Variants in CFAP54 observed in about 807,000 individuals in gnomAD.
CFAP54 encodes the protein cilia and flagella associated protein 54.
In CFAP54, 290 loss-of-function variants were observed where a neutral mutation model predicts 370.4. That is an observed-to-expected ratio of 0.78 (90% CI 0.71 to 0.86). The LOEUF (loss-of-function observed/expected upper bound fraction) is 0.86, where lower values mean the gene tolerates loss of function less well. Among genes scored for constraint, CFAP54 ranks in the 40% least tolerant of loss-of-function variants. The pLI is 0.00. For missense variants in CFAP54, 3,399 were observed against 3,528.7 expected (o/e 0.96, Z 0.93); for synonymous variants, 1,206 against 1,236.5 (o/e 0.98, Z 0.52).
intron 26 of CFAP54, among the ~76,000 whole-genome samples, chr12:96,611,012 C>T (rs1956352439): frequency 6.6e-6 from 1 of 151,732 alleles, no homozygotes; most frequent in South Asian, 2.1e-4. Context: ...ACTTAAATTT[C>T]CCTGTCTGAC....
chr12:96,712,310 C>T (rs1013952958), intron 48 of CFAP54, among the ~76,000 whole-genome samples: 11 of 151,982 alleles, frequency 7.2e-5, no homozygotes, highest in East Asian at 3.9e-4. Flanking sequence ...AAAAATCTAT[C>T]ATTTCCTCAC....
At chr12:96,549,220 C>T (rs1175559035) in intron 15 of CFAP54, among the ~76,000 whole-genome samples, 1 of 152,046 alleles carries the variant, frequency 6.6e-6, no homozygotes, top group Non-Finnish European at 1.5e-5. Flanking sequence ...CACTTATTCT[C>T]TGAGGCAGAG....
intron 19 of CFAP54, among the ~76,000 whole-genome samples, chr12:96,574,836 G>T (rs999053512): frequency 2.0e-5 from 3 of 151,994 alleles, no homozygotes; most frequent in Non-Finnish European, 2.9e-5. Context: ...GTGTTTTTAT[G>T]TGTAGTTGTT....
chr12:96,827,016 GCAATT>G (rs1959123884), intron 65 of CFAP54, among the ~76,000 whole-genome samples: 1 of 132,312 alleles, frequency 7.6e-6, no homozygotes, highest in African/African-American at 2.9e-5. Context: ...ATTATAATAT[GCAATT>G]ATATGTGATT....
Position 96,596,792 on chromosome 12 carries a change from A to T in CFAP54, c.3517-1853A>T, listed in dbSNP as rs183778629. 1.4e-4 allele frequency among the ~76,000 whole-genome samples: 21 copies of T among 152,266 alleles called. 1 individual carries two copies. The highest frequency in any genetic ancestry group is 9.8e-4 in the Admixed American group (15 of 15,276). ...ATATCTCCAAATGCGACAGAGGGCA[A>T]GTATATATACATGTATAACAAAAAG... On this transcript the variant is annotated intron_variant, in intron 25 of 67. Transcript: ENST00000524981.
At chr12:96,578,708 C>T (rs1268414894) in intron 20 of CFAP54, among the ~76,000 whole-genome samples, 1 of 152,256 alleles carries the variant, frequency 6.6e-6, no homozygotes, top group East Asian at 1.9e-4. Context: ...CATCTGTTAC[C>T]TTCTCATCAG....
At chr12:96,774,015 T>C (rs1213160640) in intron 60 of CFAP54, among the ~76,000 whole-genome samples, 1 of 152,152 alleles carries the variant, frequency 6.6e-6, no homozygotes, top group African/African-American at 2.4e-5. Context: ...CTGACAAAGG[T>C]ACATTATAAA....
intron 66 of CFAP54, among the ~76,000 whole-genome samples, chr12:96,830,983 A>G (rs941586945): frequency 3.9e-5 from 6 of 152,126 alleles, no homozygotes; most frequent in Admixed American, 2.0e-4. Context: ...GCCCATCTAC[A>G]CTAGTTTTCC....
chr12:96,527,539 C>A, intron 9 of CFAP54, 95 bp downstream of exon 9: 2 of 664,252 alleles, frequency 3.0e-6, no homozygotes, highest in Non-Finnish European at 4.4e-6. Flanking sequence ...AAACTGATAA[C>A]ATTTATATTG....
intron 16 of CFAP54, 56 bp downstream of exon 16, chr12:96,554,366 C>T: frequency 6.2e-6 from 9 of 1,447,942 alleles, no homozygotes; most frequent in Non-Finnish European, 8.1e-6. Flanking sequence ...GGGAAGAAAA[C>T]TGGCCTTGAA....
At chr12:96,705,756 G>GT (rs1373276471) in intron 47 of CFAP54, among the ~76,000 whole-genome samples, 4 of 151,996 alleles carry the variant, frequency 2.6e-5, no homozygotes, top group Non-Finnish European at 5.9e-5. Context: ...TATACTTTAT[G>GT]TTTTTTTGCA....
At chr12:96,507,123 T>C in intron 4 of CFAP54, 24 bp downstream of exon 4, 1 of 1,445,992 alleles carries the variant, frequency 6.9e-7, no homozygotes, top group Non-Finnish European at 9.1e-7. Context: ...TATTTTATTT[T>C]CCATTGTGTC....
Position 96,518,898 on chromosome 12 carries a change from A to G in CFAP54, c.799-30A>G, listed in dbSNP as rs757970753. ...TTATCATTATTAACTTCAAATGAAAACAAATCCAATGGTGCCCTTTATTTT... is the reference window on the plus strand; with the variant it reads ...TTATCATTATTAACTTCAAATGAAAGCAAATCCAATGGTGCCCTTTATTTT... On this transcript the variant is annotated intron_variant, in intron 5 of 67. Transcript: ENST00000524981. 7 of 1,497,114 alleles carry G rather than the reference A, an allele frequency of 4.7e-6. No individual in the cohort carries two copies. In the South Asian group the frequency reaches 7.6e-5, roughly 16 times the overall value. 92.7% of individuals were successfully genotyped at this position (1,497,114 alleles called of 1,614,324 possible). A position where few individuals can be genotyped will look rare whatever the true frequency, so the allele number is the denominator to read the frequency against.
chr12:96,613,954 T>C (rs1348958328), intron 26 of CFAP54, among the ~76,000 whole-genome samples: 4 of 152,180 alleles, frequency 2.6e-5, no homozygotes, highest in Non-Finnish European at 5.9e-5. Flanking sequence ...GCGGGTACCA[T>C]TCCTTCTGAA....
chr12:96,729,390 G>A (rs917487387), intron 50 of CFAP54, among the ~76,000 whole-genome samples: 7 of 152,336 alleles, frequency 4.6e-5, no homozygotes, highest in African/African-American at 9.6e-5. Flanking sequence ...AATGGCGGGC[G>A]CCCCTCCCCC....
chr12:96,712,452 A>C (rs1336739315), intron 48 of CFAP54, among the ~76,000 whole-genome samples: 1 of 152,232 alleles, frequency 6.6e-6, no homozygotes, highest in East Asian at 1.9e-4. Context: ...TTATATACAC[A>C]TAAAATGTGT....
intron 66 of CFAP54, among the ~76,000 whole-genome samples, chr12:96,841,169 G>C (rs1315994121): frequency 1.3e-5 from 2 of 152,208 alleles, no homozygotes; most frequent in African/African-American, 4.8e-5. Context: ...ACCTGATACT[G>C]TGTATTTACT....
chr12:96,656,449 C>T (rs1385892694), intron 36 of CFAP54, among the ~76,000 whole-genome samples: 1 of 152,076 alleles, frequency 6.6e-6, no homozygotes, highest in Non-Finnish European at 1.5e-5. Flanking sequence ...ACAATCTCGA[C>T]TCACCACAAC....
At chr12:96,730,726 G>C (rs1218707766) in intron 50 of CFAP54, among the ~76,000 whole-genome samples, 1 of 152,090 alleles carries the variant, frequency 6.6e-6, no homozygotes, top group Non-Finnish European at 1.5e-5. Context: ...TCTTTAAACA[G>C]GAGAATCCCA....
Sources: gnomAD v4.1 joint callset for allele counts (sites outside exome capture counted in the v4.1 genomes callset) on GRCh38, gnomAD v4.1.1 for gene constraint, MANE v1.5 for transcripts, NCBI Gene and HGNC (gene_info 2026-07-23, HGNC 2026-07-21) for gene names.